The following RNF13 variants were observed in gnomAD, a reference collection of about 807,000 sequenced individuals.
RNF13 encodes the protein E3 ubiquitin-protein ligase RNF13.
A neutral mutation model predicts 37.7 loss-of-function variants in RNF13; 19 were observed. That is an observed-to-expected ratio of 0.50 (90% CI 0.35 to 0.74). RNF13 has a LOEUF of 0.74. Among genes scored for constraint, RNF13 ranks in the 30% least tolerant of loss-of-function variants. The pLI is 0.01. For missense variants in RNF13, 375 were observed against 453.0 expected, an observed-to-expected ratio of 0.83 and a Z score of 1.56; for synonymous variants, 144 against 157.8, an observed-to-expected ratio of 0.91 and a Z score of 0.65.
intron 6 of RNF13, among the ~76,000 whole-genome samples, chr3:149,910,486 C>T (rs1716883556): frequency 6.6e-6 from 1 of 151,920 alleles, no homozygotes; most frequent in African/African-American, 2.4e-5. Context: ...GATAGAGCCC[C>T]TTGTGTGTGT....
chr3:149,891,936 T>TTA (rs1409248429), intron 4 of RNF13, among the ~76,000 whole-genome samples: 6 of 152,248 alleles, frequency 3.9e-5, no homozygotes, highest in African/African-American at 1.4e-4. Flanking sequence ...CACATGAGTT[T>TTA]TATAGTTCAT....
chr3:149,864,592 A>G (rs1167262625), intron 3 of RNF13, among the ~76,000 whole-genome samples: 1 of 152,202 alleles, frequency 6.6e-6, no homozygotes, highest in African/African-American at 2.4e-5. Flanking sequence ...AACACACATT[A>G]TCTGTGTGTA....
At chr3:149,839,426 T>G (rs1721948406) in intron 1 of RNF13, among the ~76,000 whole-genome samples, 1 of 128,446 alleles carries the variant, frequency 7.8e-6, no homozygotes, top group Admixed American at 8.4e-5. Context: ...TACTCAAGAC[T>G]GGGTAATTTA....
chr3:149,830,936 A>T (rs1051114130), intron 1 of RNF13, among the ~76,000 whole-genome samples: 1 of 152,212 alleles, frequency 6.6e-6, no homozygotes, highest in Non-Finnish European at 1.5e-5. Context: ...ACCAAGGTAC[A>T]GTTTGGGTCC....
chr3:149,939,877 A>T (rs764692824), intron 8 of RNF13: 3 of 421,844 alleles, frequency 7.1e-6, no homozygotes, highest in African/African-American at 6.1e-5. Flanking sequence ...GCCGCGCAGG[A>T]TGGAATCACA....
intron 1 of RNF13, among the ~76,000 whole-genome samples, chr3:149,820,338 C>T (rs552218958): frequency 5.9e-5 from 9 of 152,096 alleles, no homozygotes; most frequent in Admixed American, 2.6e-4. Flanking sequence ...AGGCGTGAGT[C>T]ACCACTCCCT....
At chr3:149,941,889 A>ATATTCATT (rs1553771503) in intron 8 of RNF13, among the ~76,000 whole-genome samples, 1 of 144,292 alleles carries the variant, frequency 6.9e-6, no homozygotes, top group African/African-American at 2.6e-5. Flanking sequence ...GTCCAGCTTA[A>ATATTCATT]TATTTATTTA....
intron 4 of RNF13, among the ~76,000 whole-genome samples, chr3:149,885,717 G>A (rs920574098): frequency 3.3e-5 from 5 of 151,992 alleles, no homozygotes; most frequent in Non-Finnish European, 7.4e-5. Context: ...CCTTTGCTGC[G>A]TGGAAGGCTT....
intron 1 of RNF13, among the ~76,000 whole-genome samples, chr3:149,832,094 G>T (rs1211195837): frequency 6.6e-6 from 1 of 152,038 alleles, no homozygotes; most frequent in African/African-American, 2.4e-5. Context: ...GCTTATTGTA[G>T]TATAAGGTAC....
intron 5 of RNF13, among the ~76,000 whole-genome samples, chr3:149,899,345 A>G (rs2108498088): frequency 6.6e-6 from 1 of 152,294 alleles, no homozygotes; most frequent in East Asian, 1.9e-4. Context: ...GCTACTCAAG[A>G]GGCTGAACCA....
At chr3:149,953,897 AATT>A (rs1310278334) in intron 8 of RNF13, among the ~76,000 whole-genome samples, 5 of 152,234 alleles carry the variant, frequency 3.3e-5, no homozygotes, top group Non-Finnish European at 4.4e-5. Context: ...AAGTGGTAGC[AATT>A]ATTATTATAA....
At chr3:149,831,598 C>T (rs886138296) in intron 1 of RNF13, among the ~76,000 whole-genome samples, 7 of 152,268 alleles carry the variant, frequency 4.6e-5, no homozygotes, top group Middle Eastern at 3.4e-3. Context: ...TTTACAGGCT[C>T]ATAGGCGGAA....
At chr3:149,892,319 T>C (rs971924096) in intron 4 of RNF13, among the ~76,000 whole-genome samples, 6 of 152,262 alleles carry the variant, frequency 3.9e-5, no homozygotes, top group Admixed American at 6.5e-5. Context: ...TTTAAAAGCC[T>C]AATGGTTAGA....
At chr3:149,815,429 T>C (rs759225717) in intron 1 of RNF13, among the ~76,000 whole-genome samples, 1 of 152,242 alleles carries the variant, frequency 6.6e-6, no homozygotes, top group Non-Finnish European at 1.5e-5. Context: ...TGGGAATTGA[T>C]GTTTAGCAGG....
At chr3:149,898,292 T>C (rs1715476147) in intron 5 of RNF13, among the ~76,000 whole-genome samples, 1 of 152,136 alleles carries the variant, frequency 6.6e-6, no homozygotes, top group African/African-American at 2.4e-5. Flanking sequence ...TTAATATCTC[T>C]GGGTCATTTT....
At chr3:149,956,735 C>T (rs1370819999) in intron 8 of RNF13, among the ~76,000 whole-genome samples, 1 of 152,178 alleles carries the variant, frequency 6.6e-6, no homozygotes, top group Non-Finnish European at 1.5e-5. Context: ...AATCTGATTT[C>T]TTCCACAACT....
At chr3:149,895,434 C>T in intron 4 of RNF13, 39 bp from the exon 5 acceptor site, 3 of 1,243,468 alleles carry the variant, frequency 2.4e-6, no homozygotes, top group South Asian at 1.3e-5. Flanking sequence ...CACTGTCTTC[C>T]TTATAACATA....
At chr3:149,877,845 A>G (rs891827546) in intron 4 of RNF13, among the ~76,000 whole-genome samples, 1 of 152,166 alleles carries the variant, frequency 6.6e-6, no homozygotes, top group Non-Finnish European at 1.5e-5. Flanking sequence ...CTATCCATAT[A>G]TAGTTCAATC....
intron 8 of RNF13, among the ~76,000 whole-genome samples, chr3:149,928,706 T>C (rs1367027755): frequency 8.5e-5 from 13 of 152,060 alleles, no homozygotes; most frequent in Admixed American, 8.5e-4. Context: ...CTTTATATTT[T>C]TGCAAAAAAA....
Sources: gnomAD v4.1 joint callset for allele counts (sites outside exome capture counted in the v4.1 genomes callset) on GRCh38, gnomAD v4.1.1 for gene constraint, MANE v1.5 for transcripts, NCBI Gene and HGNC (gene_info 2026-07-23, HGNC 2026-07-21) for gene names.